Variants in YTHDC2 observed in about 807,000 individuals in gnomAD.
YTHDC2 encodes 3'-5' RNA helicase YTHDC2.
Under a neutral mutation model 174.9 loss-of-function variants are expected in YTHDC2, and 45 were observed. The ratio of observed to expected loss-of-function variants is 0.26; its 90% CI spans 0.20 to 0.33. The LOEUF is 0.33. Among genes scored for constraint, YTHDC2 ranks in the 10% least tolerant of loss-of-function variants. The pLI, the probability that YTHDC2 is intolerant of heterozygous loss-of-function variation, is 1.00. For missense variants in YTHDC2, 1,650 were observed against 1,723.7 expected (o/e 0.96, Z 0.76); for synonymous variants, 657 against 574.5 (o/e 1.14, Z -2.05).
chr5:113,556,910 T>C (rs1776645462), intron 17 of YTHDC2, among the ~76,000 whole-genome samples: 1 of 152,208 alleles, frequency 6.6e-6, no homozygotes, highest in Non-Finnish European at 1.5e-5. Flanking sequence ...CTGAAGTGAT[T>C]AAATAAATTA....
chr5:113,539,276 G>A, intron 8 of YTHDC2, 95 bp downstream of exon 8: 1 of 492,188 alleles, frequency 2.0e-6, no homozygotes, highest in Non-Finnish European at 3.5e-6. Flanking sequence ...AAGGACACTT[G>A]AAAGTGTTTT....
chr5:113,566,389 G>A (rs945497970), intron 21 of YTHDC2, among the ~76,000 whole-genome samples: 4 of 149,594 alleles, frequency 2.7e-5, no homozygotes, highest in African/African-American at 9.8e-5. Context: ...AAATTGATAT[G>A]AATGCTGCTC....
rs531791004 is a variant in YTHDC2, at chr5:113,593,467, T to C, written c.*8-15T>C. 434 of 1,171,554 alleles carry C rather than the reference T, an allele frequency of 3.7e-4. No homozygotes were observed. Among genetic ancestry groups the C allele is most frequent in the Middle Eastern group, 6.0e-4 (3 of 5,024 alleles). 72.6% of individuals were successfully genotyped at this position (1,171,554 alleles called of 1,614,324 possible). A position where few individuals can be genotyped will look rare whatever the true frequency, so the allele number is the denominator to read the frequency against. ...CTTTCAGATTATTTATCTTTTTTTT[T>C]CCCCTTTCTTCTAGAACTCTTAGCT... On this transcript the variant is annotated splice_polypyrimidine_tract_variant and intron_variant, in intron 29 of 29. Coordinates refer to ENST00000161863, the MANE Select transcript of YTHDC2 (RefSeq NM_022828.5).
At chr5:113,579,398 G>T (rs1400103494) in intron 23 of YTHDC2, among the ~76,000 whole-genome samples, 188 bp from the exon 24 acceptor site, 2 of 151,956 alleles carry the variant, frequency 1.3e-5, no homozygotes, top group African/African-American at 4.8e-5. Flanking sequence ...TCTTCAAATG[G>T]TCCCTTTTTT....
Position 113,568,794 on chromosome 5 carries a change from T to C in YTHDC2, c.3244+945T>C, listed in dbSNP as rs572311871. 1.4e-3 allele frequency among the ~76,000 whole-genome samples: 220 copies of C among 152,298 alleles called. 1 individual carries two copies. The highest frequency in any genetic ancestry group is 5.1e-3 in the African/African-American group (210 of 41,566). ...TACCATTGATGGGCATTTGGGTTGA[T>C]TCCATGTCTTTACTATTGTGAATAA... On this transcript the variant is annotated intron_variant, in intron 23 of 29. Transcript: ENST00000161863.
At chr5:113,514,345 T>A in intron 1 of YTHDC2, 1 of 666,130 alleles carries the variant, frequency 1.5e-6, no homozygotes, top group Non-Finnish European at 2.8e-6. Context: ...CCCGCGTCTT[T>A]CAGCAGCCTT....
chr5:113,554,046 T>A, intron 16 of YTHDC2, 24 bp downstream of exon 16: 1 of 1,473,560 alleles, frequency 6.8e-7, no homozygotes, highest in South Asian at 1.5e-5. Flanking sequence ...AGTTGTAGTT[T>A]TACTTAAATG....
chr5:113,542,481 C>G lies in YTHDC2; in HGVS notation c.1473C>G (p.Leu491=), dbSNP rs746417841. The G allele has an allele frequency of 2.5e-6, 4 of 1,602,878 alleles. No homozygotes were observed. Reference sequence around the variant, plus strand: ...ATGCCTTTGCTCAGGTCTTTCATCTCATTTTAACTGAAAATGTTAGTGGTA... The same window carrying G: ...ATGCCTTTGCTCAGGTCTTTCATCTGATTTTAACTGAAAATGTTAGTGGTA... ...DIDAFAQVFH[L]ILTENVSVDY... is the part of the protein sequence containing the mutation. The change falls in exon 10 of 30, where the codon CTC becomes CTG. Residue 491 remains leucine (L), a synonymous_variant. Transcript: ENST00000161863.
At chr5:113,580,786 C>T (rs1044539173) in intron 24 of YTHDC2, among the ~76,000 whole-genome samples, 3 of 152,186 alleles carry the variant, frequency 2.0e-5, no homozygotes, top group African/African-American at 4.8e-5. Context: ...TTCTTCCTTA[C>T]TCCTGCCCCA....
chr5:113,526,837 A>G, intron 4 of YTHDC2, 52 bp downstream of exon 4: 1 of 387,154 alleles, frequency 2.6e-6, no homozygotes, highest in East Asian at 7.4e-5. Context: ...ATATATATAT[A>G]TATATATATA....
At chr5:113,518,182 C>T (rs924148262) in intron 2 of YTHDC2, among the ~76,000 whole-genome samples, 1 of 142,476 alleles carries the variant, frequency 7.0e-6, no homozygotes, top group African/African-American at 2.7e-5. Context: ...GCCACTGCAC[C>T]TGGCGTTTTT....
intron 23 of YTHDC2, among the ~76,000 whole-genome samples, chr5:113,575,440 G>A (rs1000419170): frequency 7.2e-5 from 11 of 152,196 alleles, no homozygotes; most frequent in Admixed American, 5.9e-4. Flanking sequence ...CGCCTTAGGG[G>A]TGACCTACTT....
intron 23 of YTHDC2, among the ~76,000 whole-genome samples, chr5:113,576,096 C>CT (rs1305076764): frequency 9.2e-5 from 14 of 152,026 alleles, no homozygotes; most frequent in South Asian, 6.2e-4. Flanking sequence ...CTAAGACACT[C>CT]TAAGTAAATT....
chr5:113,587,970 A>G (rs1778784726), intron 26 of YTHDC2, among the ~76,000 whole-genome samples: 1 of 152,086 alleles, frequency 6.6e-6, no homozygotes, highest in African/African-American at 2.4e-5. Flanking sequence ...TACAAGTATT[A>G]CAATTTTTTG....
rs759115647 is a variant in YTHDC2 at position 113,581,578 on chromosome 5, A to C, written c.3516A>C (p.Pro1172=). ...TEEQSAGLQQ[P]SGIGQRPRPM... is the part of the protein sequence containing the mutation. ...AACAGTCTGCAGGTTTACAACAACC[A>C]TCTGGGATTGGCCAAAGGCCAAGGC... is the stretch of plus-strand genomic sequence containing the variant. The change falls in exon 25 of 30, where the codon CCA becomes CCC. Residue 1172 remains proline (P), a synonymous_variant. Coordinates refer to ENST00000161863, the MANE Select transcript of YTHDC2 (RefSeq NM_022828.5). 26 of 1,613,996 alleles carry C rather than the reference A, an allele frequency of 1.6e-5. No homozygotes were observed. The highest frequency in any genetic ancestry group is 2.2e-5 in the Non-Finnish European group (26 of 1,179,964).
At chr5:113,567,907 TAATGAAA>T in intron 23 of YTHDC2, 58 bp downstream of exon 23, 1 of 1,303,808 alleles carries the variant, frequency 7.7e-7, no homozygotes, top group Non-Finnish European at 1.0e-6. Context: ...TTTTACCAAA[TAATGAAA>T]TTATTTTACT....
At chr5:113,562,238 A>T (rs1366046580) in intron 18 of YTHDC2, among the ~76,000 whole-genome samples, 1 of 136,902 alleles carries the variant, frequency 7.3e-6, no homozygotes, top group Non-Finnish European at 1.6e-5. Context: ...AAGAGCATAA[A>T]TTGCCTGTTC....
intron 20 of YTHDC2, 106 bp from the exon 21 acceptor site, chr5:113,565,787 G>A (rs1173349515): frequency 9.3e-6 from 11 of 1,186,080 alleles, no homozygotes; most frequent in South Asian, 2.2e-5. Flanking sequence ...TTAGAATAAG[G>A]CAAATTCACG....
chr5:113,539,331 A>C (rs1255258660), intron 8 of YTHDC2, 150 bp downstream of exon 8: 2 of 369,674 alleles, frequency 5.4e-6, no homozygotes, highest in South Asian at 6.2e-5. Flanking sequence ...ATATTGTCCC[A>C]AATATTCCTT....
Sources: gnomAD v4.1 joint callset for allele counts (sites outside exome capture counted in the v4.1 genomes callset) on GRCh38, gnomAD v4.1.1 for gene constraint, MANE v1.5 for transcripts, NCBI Gene and HGNC (gene_info 2026-07-23, HGNC 2026-07-21) for gene names.